Variants in JAZF1 observed in about 807,000 individuals in gnomAD.
JAZF1 encodes juxtaposed with another zinc finger protein 1.
Under a neutral mutation model 26.4 loss-of-function variants are expected in JAZF1, and 8 were observed. That is an observed-to-expected ratio of 0.30 (90% CI 0.18 to 0.55). JAZF1 has a LOEUF of 0.55. Ranked by LOEUF, JAZF1 falls within the 20% of genes least tolerant of loss-of-function variation. The pLI is 0.94. For missense variants in JAZF1, 199 were observed against 322.0 expected (o/e 0.62, Z 2.92); for synonymous variants, 126 against 122.3 (o/e 1.03, Z -0.20).
rs1203018702 is a variant in JAZF1 at position 27,831,149 on chromosome 7, A to C, written c.*1651T>G. ...CAAGACCATACTTCAGATCTGAGGA[A>C]ATTTTTAGAGGGCAGTGTTTTTATA... is the stretch of plus-strand genomic sequence containing the variant. On this transcript the variant is annotated 3_prime_UTR_variant, in exon 5 of 5. Coordinates refer to ENST00000283928, the MANE Select transcript of JAZF1 (RefSeq NM_175061.4). The C allele has an allele frequency of 9.0e-6, 2 of 223,340 alleles. No individual in the cohort carries two copies. The highest frequency in any genetic ancestry group is 1.3e-4 in the East Asian group (2 of 15,296). The allele number at this position is 223,340 out of a possible 1,614,324, so 13.8% of individuals were successfully genotyped here. A position where few individuals can be genotyped will look rare whatever the true frequency, so the allele number is the denominator to read the frequency against.
At chr7:27,905,211 G>A (rs1188922680) in intron 2 of JAZF1, among the ~76,000 whole-genome samples, 3 of 152,156 alleles carry the variant, frequency 2.0e-5, no homozygotes, top group Admixed American at 2.0e-4. Flanking sequence ...CAGTCTCGTT[G>A]CCTTGGCCTC....
chr7:27,890,385 T>C (rs1298705267), intron 3 of JAZF1, among the ~76,000 whole-genome samples: 1 of 152,230 alleles, frequency 6.6e-6, no homozygotes, highest in East Asian at 1.9e-4. Flanking sequence ...GCTGTTTGAA[T>C]GGTAGAGCTG....
intron 2 of JAZF1, among the ~76,000 whole-genome samples, chr7:27,976,614 T>C (rs535617817): frequency 6.6e-6 from 1 of 152,076 alleles, no homozygotes; most frequent in Non-Finnish European, 1.5e-5. Context: ...TTAGTTCTAG[T>C]AGACAAGGGA....
intron 1 of JAZF1, among the ~76,000 whole-genome samples, chr7:28,140,776 T>C (rs1782949581): frequency 1.3e-5 from 2 of 152,256 alleles, no homozygotes; most frequent in Non-Finnish European, 2.9e-5. Context: ...ATTCTTTATA[T>C]CACATTGTTA....
chr7:27,917,468 T>C (rs1784460779), intron 2 of JAZF1, among the ~76,000 whole-genome samples: 1 of 152,216 alleles, frequency 6.6e-6, no homozygotes, highest in Non-Finnish European at 1.5e-5. Context: ...GGGTGGCAAC[T>C]AATAATCTGC....
rs775277755 is a variant in JAZF1, at chr7:28,051,131, C to CA, written c.116-59151dup. Among the ~76,000 whole-genome samples, 139 of 96,518 alleles carry CA rather than the reference C, an allele frequency of 1.4e-3. 2 individuals carry two copies. Among genetic ancestry groups the CA allele is most frequent in the South Asian group, 7.8e-3 (24 of 3,092 alleles). The allele number at this position is 96,518 out of a possible 152,430, so 63.3% of individuals were successfully genotyped here. A position where few individuals can be genotyped will look rare whatever the true frequency, so the allele number is the denominator to read the frequency against. On this transcript the variant is annotated intron_variant, in intron 1 of 4. Transcript: ENST00000283928. ...CAGGCGATAGTGCAAGACTCCATCT[C>CA]AAAAAAAAAAAAAAAAAAAAAAAAA...
chr7:27,850,323 C>T (rs1406657230), intron 3 of JAZF1, among the ~76,000 whole-genome samples: 1 of 152,208 alleles, frequency 6.6e-6, no homozygotes, highest in East Asian at 1.9e-4. Flanking sequence ...CGGGCCATGC[C>T]TGGAAAATTC....
At chr7:28,073,146 G>A (rs1398794873) in intron 1 of JAZF1, among the ~76,000 whole-genome samples, 2 of 152,100 alleles carry the variant, frequency 1.3e-5, no homozygotes, top group Non-Finnish European at 2.9e-5. Flanking sequence ...TCCTTCATCC[G>A]AGTTGGAGAT....
At chr7:27,943,923 A>G (rs1018843789) in intron 2 of JAZF1, among the ~76,000 whole-genome samples, 1 of 152,210 alleles carries the variant, frequency 6.6e-6, no homozygotes, top group Non-Finnish European at 1.5e-5. Flanking sequence ...TGTGGGTTTA[A>G]GTCTGTCTCC....
At chr7:27,978,052 G>T (rs1785505838) in intron 2 of JAZF1, among the ~76,000 whole-genome samples, 2 of 152,214 alleles carry the variant, frequency 1.3e-5, no homozygotes. Context: ...CCATATGAAT[G>T]TTGAATAAAA....
intron 1 of JAZF1, among the ~76,000 whole-genome samples, chr7:28,172,161 T>C (rs1032246897): frequency 2.0e-5 from 3 of 152,364 alleles, no homozygotes; most frequent in Admixed American, 2.0e-4. Context: ...CAATGACTTA[T>C]ATTCATATCA....
At chr7:28,165,736 G>C (rs949195726) in intron 1 of JAZF1, among the ~76,000 whole-genome samples, 1 of 152,136 alleles carries the variant, frequency 6.6e-6, no homozygotes, top group Admixed American at 6.5e-5. Flanking sequence ...CCCTCTCAAA[G>C]AGGCCGTCCC....
At chr7:27,910,818 C>T (rs1397853608) in intron 2 of JAZF1, among the ~76,000 whole-genome samples, 3 of 152,182 alleles carry the variant, frequency 2.0e-5, no homozygotes, top group Non-Finnish European at 4.4e-5. Flanking sequence ...ACCAGGGAGC[C>T]TCTTTCACCA....
intron 1 of JAZF1, among the ~76,000 whole-genome samples, chr7:28,078,503 A>C (rs1392805683): frequency 6.6e-6 from 1 of 152,192 alleles, no homozygotes; most frequent in Non-Finnish European, 1.5e-5. Context: ...ATTGCTACTC[A>C]AAGGCAAAGA....
chr7:28,178,428 T>C (rs981579831), intron 1 of JAZF1, among the ~76,000 whole-genome samples: 2 of 152,234 alleles, frequency 1.3e-5, no homozygotes, highest in African/African-American at 4.8e-5. Context: ...ATATAAATTA[T>C]AGTTTATTCT....
intron 1 of JAZF1, among the ~76,000 whole-genome samples, chr7:28,135,666 A>G (rs945696204): frequency 2.0e-5 from 3 of 152,226 alleles, no homozygotes; most frequent in African/African-American, 7.2e-5. Flanking sequence ...GCTTCAAAAG[A>G]GGCAATTACT....
chr7:27,862,785 C>T (rs6963753), intron 3 of JAZF1, among the ~76,000 whole-genome samples: 31,219 of 152,144 alleles, frequency 0.21, 3,404 homozygotes, highest in Middle Eastern at 0.29. Context: ...TTTGAAACCC[C>T]GCTTTCTGTA....
At chr7:27,951,961 C>A (rs1785016778) in intron 2 of JAZF1, among the ~76,000 whole-genome samples, 1 of 152,182 alleles carries the variant, frequency 6.6e-6, no homozygotes, top group Admixed American at 6.5e-5. Context: ...AGAGAAACTA[C>A]AAAAGCCTAC....
chr7:27,968,041 ATAG>A (rs148811141), intron 2 of JAZF1, among the ~76,000 whole-genome samples: 30 of 152,380 alleles, frequency 2.0e-4, no homozygotes, highest in African/African-American at 7.2e-4. Flanking sequence ...CTCTCTCTTT[ATAG>A]TAGTCAAAGA....
Sources: allele counts gnomAD v4.1 joint callset (sites outside exome capture counted in the v4.1 genomes callset), GRCh38; gene constraint gnomAD v4.1.1; transcripts MANE v1.5; gene names NCBI Gene and HGNC (gene_info 2026-07-23, HGNC 2026-07-21).